Variants in PCDHA5 observed in about 807,000 individuals in gnomAD.
PCDHA5 encodes protocadherin alpha-5.
A neutral mutation model predicts 61.6 loss-of-function variants in PCDHA5; 43 were observed. The ratio of observed to expected loss-of-function variants is 0.70; its 90% CI spans 0.55 to 0.90. The LOEUF (loss-of-function observed/expected upper bound fraction) is 0.90. PCDHA5 is among the 40% of genes least tolerant of loss of function. The pLI, the probability that PCDHA5 is intolerant of heterozygous loss-of-function variation, is 0.00. For missense variants in PCDHA5, 1,298 were observed against 1,222.7 expected, an observed-to-expected ratio of 1.06 and a Z score of -0.92; for synonymous variants, 627 against 543.9, an observed-to-expected ratio of 1.15 and a Z score of -2.13.
intron 1 of PCDHA5, chr5:140,830,545 CAT>C: frequency 8.7e-7 from 1 of 1,153,858 alleles, no homozygotes; most frequent in Non-Finnish European, 1.2e-6. Context: ...TTGTTTTCCT[CAT>C]ATTTGTCTTC....
intron 1 of PCDHA5, among the ~76,000 whole-genome samples, chr5:140,964,573 G>A (rs191009049): frequency 3.0e-4 from 45 of 152,274 alleles, no homozygotes; most frequent in African/African-American, 1.9e-4. Flanking sequence ...GAGGAGATAA[G>A]GGGAGGAAAG....
intron 1 of PCDHA5, among the ~76,000 whole-genome samples, chr5:140,879,490 C>T (rs2058010245): frequency 2.0e-5 from 3 of 152,090 alleles, no homozygotes; most frequent in Admixed American, 2.0e-4. Flanking sequence ...AAATATGGGT[C>T]TGGATCTCAG....
chr5:140,899,101 G>T (rs1554188394), intron 1 of PCDHA5, among the ~76,000 whole-genome samples: 5 of 152,096 alleles, frequency 3.3e-5, no homozygotes, highest in Non-Finnish European at 7.4e-5. Context: ...CTGAGATAAT[G>T]GGGTTTTCTA....
intron 1 of PCDHA5, chr5:140,871,328 G>C: frequency 1.9e-6 from 3 of 1,614,128 alleles, no homozygotes; most frequent in Non-Finnish European, 2.5e-6. Flanking sequence ...GTGTGCTCCC[G>C]CGCGGTGGGG....
intron 1 of PCDHA5, among the ~76,000 whole-genome samples, chr5:140,924,902 AAAAT>A (rs1239542905): frequency 0.13 from 4,984 of 38,732 alleles, 244 homozygotes; most frequent in African/African-American, 0.34. Flanking sequence ...CTCAAAAAAA[AAAAT>A]AAAATAAAAT....
chr5:140,890,173 C>T (rs1188650558), intron 1 of PCDHA5, among the ~76,000 whole-genome samples: 4 of 152,114 alleles, frequency 2.6e-5, no homozygotes, highest in African/African-American at 7.2e-5. Context: ...CAGAAATAGG[C>T]AAATGCTACA....
chr5:140,856,505 C>T (rs2150359235), intron 1 of PCDHA5: 1 of 1,598,456 alleles, frequency 6.3e-7, no homozygotes, highest in East Asian at 2.2e-5. Context: ...TCGATTTCCA[C>T]TAGAAGGCGC....
At chr5:140,867,220 A>G (rs782476423) in intron 1 of PCDHA5, 2 of 152,110 alleles carry the variant, frequency 1.3e-5, no homozygotes, top group Non-Finnish European at 2.9e-5. Flanking sequence ...TTCATCCCCA[A>G]TTCCCATAAT....
intron 1 of PCDHA5, chr5:140,857,988 T>A (rs370495338): frequency 6.3e-7 from 1 of 1,596,894 alleles, no homozygotes; most frequent in South Asian, 1.1e-5. Context: ...CAGCGCCTAC[T>A]GGTGCTGGTG....
In PCDHA5 at chr5:140,943,140, C is replaced by CCCAGCTA. The variant is rs377502817; in HGVS notation, c.2353-35807_2353-35801dup. 5.8e-3 allele frequency among the ~76,000 whole-genome samples: 878 copies of CCCAGCTA among 151,552 alleles called. 7 individuals are homozygous for CCCAGCTA. The highest frequency in any genetic ancestry group is 0.021 in the African/African-American group (851 of 41,302). On this transcript the variant is annotated intron_variant, in intron 1 of 3. Transcript: ENST00000529859. ...AGGTGTGGTAGTGGGTGCCTGTAGT[C>CCCAGCTA]CCAGCTACTCTGGAGGCTGAGGCAG...
intron 1 of PCDHA5, chr5:140,858,254 A>G (rs1325415176): frequency 6.3e-7 from 1 of 1,596,926 alleles, no homozygotes; most frequent in Non-Finnish European, 8.6e-7. Flanking sequence ...GGTGAAGCCC[A>G]CGCTGGTGTG....
Position 140,875,563 on chromosome 5 carries a change from C to T in PCDHA5, c.2352+51436C>T, listed in dbSNP as rs1554167760. The T allele has an allele frequency of 3.1e-6, 5 of 1,614,014 alleles. No homozygotes were observed. The Admixed American group carries it at 8.3e-5, about 27-fold the overall frequency. ...AGCCTGGGAGGTGGGGAGCGGCCAG[C>T]TCCACTACTCCGTCTACGAGGAGGC... On this transcript the variant is annotated intron_variant, in intron 1 of 3. Transcript: ENST00000529859.
intron 3 of PCDHA5, among the ~76,000 whole-genome samples, chr5:140,990,137 G>C (rs548002411): frequency 2.0e-4 from 31 of 152,224 alleles, no homozygotes; most frequent in African/African-American, 7.2e-4. Context: ...TCAGACTCAA[G>C]AGGCATAATA....
chr5:140,830,668 A>G (rs1269050211), intron 1 of PCDHA5: 1 of 382,460 alleles, frequency 2.6e-6, no homozygotes, highest in African/African-American at 2.1e-5. Flanking sequence ...TTTAAGTGAA[A>G]TTAGAAATCA....
At chr5:140,916,641 G>T (rs781877597) in intron 1 of PCDHA5, among the ~76,000 whole-genome samples, 2 of 152,150 alleles carry the variant, frequency 1.3e-5, no homozygotes, top group African/African-American at 2.4e-5. Context: ...TCCTACTGTG[G>T]CTGAGCTGGT....
At chr5:140,962,665 C>T (rs1457197885) in intron 1 of PCDHA5, among the ~76,000 whole-genome samples, 1 of 152,146 alleles carries the variant, frequency 6.6e-6, no homozygotes, top group African/African-American at 2.4e-5. Flanking sequence ...TTTTCATCTT[C>T]CCATCCACTG....
chr5:140,895,320 T>C (rs561707282), intron 1 of PCDHA5, among the ~76,000 whole-genome samples: 2 of 152,298 alleles, frequency 1.3e-5, no homozygotes, highest in East Asian at 3.9e-4. Flanking sequence ...CCATGACTAT[T>C]GTTCTCAAAT....
At chr5:140,963,120 A>G (rs1210822785) in intron 1 of PCDHA5, among the ~76,000 whole-genome samples, 1 of 152,174 alleles carries the variant, frequency 6.6e-6, no homozygotes, top group African/African-American at 2.4e-5. Context: ...ATAATTAAAG[A>G]GATAATATTA....
At chr5:140,862,361 ACCC>A in intron 1 of PCDHA5, 2 of 339,278 alleles carry the variant, frequency 5.9e-6, no homozygotes, top group South Asian at 4.8e-5. Context: ...GGGACAGACG[ACCC>A]GCACCCTGAC....
Sources: gnomAD v4.1 joint callset for allele counts (sites outside exome capture counted in the v4.1 genomes callset) on GRCh38, gnomAD v4.1.1 for gene constraint, MANE v1.5 for transcripts, NCBI Gene and HGNC (gene_info 2026-07-23, HGNC 2026-07-21) for gene names.